The following ATP8B4 variants were observed in gnomAD, a reference collection of about 807,000 sequenced individuals.
ATP8B4 encodes the protein ATPase phospholipid transporting 8B4 (putative).
ATP8B4 carries 133 observed loss-of-function variants against 145.6 expected under a neutral mutation model. The ratio of observed to expected loss-of-function variants is 0.91; its 90% CI spans 0.79 to 1.05. ATP8B4 has a LOEUF of 1.05. ATP8B4 is among the 50% of genes least tolerant of loss of function. The pLI, the probability that ATP8B4 is intolerant of heterozygous loss-of-function variation, is 0.00. For missense variants in ATP8B4, 1,458 were observed against 1,425.2 expected (o/e 1.02, Z -0.37); for synonymous variants, 507 against 492.9 (o/e 1.03, Z -0.38).
At chr15:49,984,029 T>C (rs1033443292) in intron 10 of ATP8B4, among the ~76,000 whole-genome samples, 2 of 152,260 alleles carry the variant, frequency 1.3e-5, no homozygotes, top group Non-Finnish European at 2.9e-5. Flanking sequence ...CAGCATATAG[T>C]AGACATTCAA....
intron 6 of ATP8B4, among the ~76,000 whole-genome samples, chr15:50,029,252 A>AAAAAC (rs1331437158): frequency 8.0e-5 from 12 of 150,712 alleles, no homozygotes; most frequent in African/African-American, 2.9e-4. Flanking sequence ...AAAAAAAAAA[A>AAAAAC]AAAAACAGAA....
rs745755348 is a variant in ATP8B4, at chr15:49,876,462, A to T, written c.2843T>A (p.Leu948Gln). Reference protein sequence around the residue: ...PQLYKPGQLNLLFNKRKFFIC... With the variant: ...PQLYKPGQLNQLFNKRKFFIC... ...GAAAAATTTACGCTTGTTAAAAAGC[A>T]GATTCAGCTGTCCTGGTTTGTAGAG... Residue 948 changes from leucine to glutamine, a missense_variant, in exon 25 of 28, where the codon CTG becomes CAG. Physicochemically the swap from Leu to Gln is moderately radical, Grantham distance 113 (BLOSUM62 -2). Coordinates refer to ENST00000284509, the MANE Select transcript of ATP8B4 (RefSeq NM_024837.4). 1.9e-6 allele frequency: 3 copies of T among 1,614,036 alleles called. No individual in the cohort carries two copies. Among genetic ancestry groups the T allele is most frequent in the Non-Finnish European group, 2.5e-6 (3 of 1,179,978 alleles).
chr15:50,069,214 G>C (rs145100312), intron 3 of ATP8B4, among the ~76,000 whole-genome samples: 1 of 152,068 alleles, frequency 6.6e-6, no homozygotes, highest in Non-Finnish European at 1.5e-5. Flanking sequence ...GTAATTTGAC[G>C]TTTTTACCTT....
chr15:50,042,990 T>C (rs781331694), intron 5 of ATP8B4, among the ~76,000 whole-genome samples: 1 of 152,198 alleles, frequency 6.6e-6, no homozygotes, highest in Non-Finnish European at 1.5e-5. Context: ...ATATTCCAAT[T>C]GAAAGGCAGA....
intron 24 of ATP8B4, chr15:49,876,821 G>C (rs548123029): frequency 4.0e-5 from 20 of 494,640 alleles, no homozygotes; most frequent in South Asian, 3.3e-4. Context: ...GCTTCAAATT[G>C]AAGTTTCTTT....
At chr15:49,870,754 T>C (rs1427435264) in intron 25 of ATP8B4, among the ~76,000 whole-genome samples, 1 of 152,238 alleles carries the variant, frequency 6.6e-6, no homozygotes, top group Non-Finnish European at 1.5e-5. Context: ...GTCTAAGAAC[T>C]CTGGTATGGT....
At chr15:49,956,890 A>G (rs1372240883) in intron 14 of ATP8B4, among the ~76,000 whole-genome samples, 1 of 152,186 alleles carries the variant, frequency 6.6e-6, no homozygotes. Context: ...TAGAGGGTGA[A>G]CTTCAGCCAA....
chr15:49,903,327 C>T (rs900126417), intron 20 of ATP8B4, among the ~76,000 whole-genome samples: 1 of 152,150 alleles, frequency 6.6e-6, no homozygotes, highest in African/African-American at 2.4e-5. Flanking sequence ...AATGCTTAAC[C>T]ACATAATACA....
At chr15:50,125,639 G>C (rs966895948) in intron 1 of ATP8B4, among the ~76,000 whole-genome samples, 1 of 152,158 alleles carries the variant, frequency 6.6e-6, no homozygotes, top group African/African-American at 2.4e-5. Context: ...AAAAAGACAG[G>C]AGTCTAAGAT....
At chr15:50,137,437 T>A (rs2044138066) in intron 1 of ATP8B4, among the ~76,000 whole-genome samples, 2 of 152,246 alleles carry the variant, frequency 1.3e-5, no homozygotes, top group African/African-American at 4.8e-5. Context: ...GTCCTTTGCA[T>A]GCTGAGCATC....
intron 1 of ATP8B4, among the ~76,000 whole-genome samples, chr15:50,135,149 GC>G (rs1192029582): frequency 4.6e-5 from 7 of 152,154 alleles, no homozygotes; most frequent in Admixed American, 4.6e-4. Context: ...TTAGTCCTTA[GC>G]TGGTTGAAAT....
In ATP8B4 at chr15:50,002,363, T is replaced by C. The variant is rs559769015; in HGVS notation, c.436-140A>G. 8 of 649,460 alleles carry C rather than the reference T, an allele frequency of 1.2e-5. No individual in the cohort carries two copies. In the South Asian group the frequency reaches 1.4e-4, roughly 11 times the overall value. 40.2% of individuals were successfully genotyped at this position (649,460 alleles called of 1,614,324 possible). The stretch of plus-strand genomic sequence containing the variant: ...AAAAGAAGTGAGATCCTGTTCTACC[T>C]CTATGTCATATGCCCTGAACCAAAC... On this transcript the variant is annotated intron_variant, in intron 7 of 27. Transcript: ENST00000284509.
At chr15:50,054,675 T>C (rs1176624016) in intron 3 of ATP8B4, among the ~76,000 whole-genome samples, 2 of 150,582 alleles carry the variant, frequency 1.3e-5, no homozygotes, top group Non-Finnish European at 3.0e-5. Flanking sequence ...TCCCAGCTAC[T>C]TGGGAGGCTG....
chr15:49,999,246 A>G (rs1306638235), intron 8 of ATP8B4, among the ~76,000 whole-genome samples: 3 of 151,948 alleles, frequency 2.0e-5, no homozygotes, highest in Non-Finnish European at 4.4e-5. Flanking sequence ...GACATGGATG[A>G]AATTGGAAAT....
chr15:50,048,033 T>C (rs1054828812), intron 3 of ATP8B4, among the ~76,000 whole-genome samples: 13 of 152,160 alleles, frequency 8.5e-5, no homozygotes, highest in Admixed American at 7.2e-4. Flanking sequence ...ATAACTATTT[T>C]TTTCTACTTT....
At chr15:50,008,633 G>A (rs1007940383) in intron 7 of ATP8B4, among the ~76,000 whole-genome samples, 3 of 152,064 alleles carry the variant, frequency 2.0e-5, no homozygotes, top group Non-Finnish European at 2.9e-5. Flanking sequence ...TAAAAACAAA[G>A]ACCAAAGAAA....
chr15:50,072,996 A>C (rs1353375268), intron 3 of ATP8B4, among the ~76,000 whole-genome samples: 3 of 42,838 alleles, frequency 7.0e-5, no homozygotes, highest in African/African-American at 1.4e-4. Context: ...ATATATATAT[A>C]TATATATATA....
chr15:50,066,024 A>G (rs1472221106), intron 3 of ATP8B4, among the ~76,000 whole-genome samples: 1 of 151,836 alleles, frequency 6.6e-6, no homozygotes, highest in African/African-American at 2.4e-5. Context: ...AAAAAGATTA[A>G]AACAGGCAAA....
chr15:50,010,318 A>G (rs117343054), intron 7 of ATP8B4, among the ~76,000 whole-genome samples: 7 of 152,238 alleles, frequency 4.6e-5, no homozygotes, highest in Non-Finnish European at 1.0e-4. Flanking sequence ...ATTTGAGTAT[A>G]TAAATTATAA....
Sources: allele counts gnomAD v4.1 joint callset (sites outside exome capture counted in the v4.1 genomes callset), GRCh38; gene constraint gnomAD v4.1.1; transcripts MANE v1.5; gene names NCBI Gene and HGNC (gene_info 2026-07-23, HGNC 2026-07-21).